Variants in KLB observed in about 807,000 individuals in gnomAD.
KLB encodes the protein klotho beta.
Under a neutral mutation model 88.4 loss-of-function variants are expected in KLB, and 44 were observed. That is an observed-to-expected ratio of 0.50 (90% CI 0.39 to 0.64). The LOEUF (loss-of-function observed/expected upper bound fraction) is 0.64. Among genes scored for constraint, KLB ranks in the 30% least tolerant of loss-of-function variants. KLB has a pLI of 0.00. For synonymous variants in KLB, 548 were observed against 513.4 expected, an observed-to-expected ratio of 1.07 and a Z score of -0.91; for missense variants, 1,137 against 1,304.8, an observed-to-expected ratio of 0.87 and a Z score of 1.98.
intron 2 of KLB, among the ~76,000 whole-genome samples, chr4:39,435,768 C>T (rs981972201): frequency 6.6e-6 from 1 of 152,186 alleles, no homozygotes; most frequent in African/African-American, 2.4e-5. Flanking sequence ...ATGTTATTCC[C>T]ATGTCCTTTT....
chr4:39,447,936 T>C (rs1743797277), intron 4 of KLB, among the ~76,000 whole-genome samples: 1 of 152,236 alleles, frequency 6.6e-6, no homozygotes, highest in Non-Finnish European at 1.5e-5. Flanking sequence ...ATTCCTGGGC[T>C]GCACCAAGAG....
At position 39,448,403 on chromosome 4, in the gene KLB, C is replaced by T; in HGVS notation, c.2852C>T (p.Ala951Val). 1 of 1,614,080 alleles carries T rather than the reference C, an allele frequency of 6.2e-7. No individual in the cohort carries two copies. The highest frequency in any genetic ancestry group is 8.5e-7 in the Non-Finnish European group (1 of 1,179,950). The change falls in exon 5 of 5, where the codon GCT becomes GTT. Residue 951 changes from alanine to valine, a missense_variant. Physicochemically the swap from Ala to Val is moderately conservative, Grantham distance 64 (BLOSUM62 0). Around this residue, in one of 4 missense-constraint regions of KLB, gnomAD observed 426 missense variants for 404.6 expected, o/e 1.05. Coordinates refer to ENST00000257408, the MANE Select transcript of KLB (RefSeq NM_175737.4). ...GGATTCTTCACATCTGATTTTAAAG[C>T]TAAATCCTCAATACAATTTTACAAC... The part of the protein sequence containing the change: ...RFGFFTSDFK[A>V]KSSIQFYNKV...
chr4:39,447,124 A>C lies in KLB; in HGVS notation c.2398A>C (p.Ser800Arg), dbSNP rs548305076. Reference protein sequence around the residue: ...IASKHRRGLSSSALPRLTEAE... With the variant: ...IASKHRRGLSRSALPRLTEAE... ...CTCCAAGCACCGACGGGGGCTTTCC[A>C]GCTCGGCCCTGCCGCGCCTCACCGA... is the stretch of plus-strand genomic sequence containing the variant. The change falls in exon 4 of 5, where the codon AGC (serine) becomes CGC (arginine). Residue 800 changes from serine to arginine, a missense_variant. By Grantham distance (110) the Ser-to-Arg change is moderately radical (BLOSUM62 -1). Around this residue, in one of 4 missense-constraint regions of KLB, gnomAD observed 426 missense variants for 404.6 expected, o/e 1.05. Transcript: ENST00000257408. The C allele has an allele frequency of 2.5e-6, 4 of 1,613,510 alleles. No homozygotes were observed. Among genetic ancestry groups the C allele is most frequent in the Admixed American group, 1.7e-5 (1 of 60,032 alleles).
Position 39,407,116 on chromosome 4 carries a change from A to G in KLB, c.167A>G (p.Asp56Gly). The G allele has an allele frequency of 6.2e-7, 1 of 1,614,170 alleles. No homozygotes were observed. Among genetic ancestry groups the G allele is most frequent in the African/African-American group, 1.3e-5 (1 of 75,038 alleles). Residue 56 changes from aspartate (D) to glycine (G), a missense_variant, in exon 1 of 5, where the codon GAT becomes GGT. By Grantham distance (94) the Asp-to-Gly change is moderately conservative (BLOSUM62 -1). This residue lies in a region of KLB where 111 missense variants were observed against 118.3 expected (regional missense o/e 0.94). Coordinates refer to ENST00000257408, the MANE Select transcript of KLB (RefSeq NM_175737.4). ...LLRAVTGFSG[D>G]GRAIWSKNPN... is the part of the protein sequence containing the mutation. ...CGAGCTGTTACTGGATTCTCTGGAG[A>G]TGGAAGAGCTATATGGTCTAAAAAT... is the stretch of plus-strand genomic sequence containing the variant.
At chr4:39,447,530 A>T in intron 4 of KLB, 55 bp downstream of exon 4, 2 of 1,409,796 alleles carry the variant, frequency 1.4e-6, no homozygotes. Context: ...GTTACCTGAC[A>T]AGAACAAAGA....
chr4:39,419,944 CAAAA>C (rs34834552), intron 1 of KLB, among the ~76,000 whole-genome samples: 1 of 81,768 alleles, frequency 1.2e-5, no homozygotes, highest in Non-Finnish European at 2.3e-5. Context: ...AACTTCATCT[CAAAA>C]AAAAAAAAAA....
At chr4:39,426,019 G>A (rs899571004) in intron 1 of KLB, among the ~76,000 whole-genome samples, 8 of 152,050 alleles carry the variant, frequency 5.3e-5, no homozygotes, top group East Asian at 1.9e-4. Context: ...TTGGGAGGCC[G>A]AGGCGGGCGG....
Position 39,448,506 on chromosome 4 carries a change from CACTG to C in KLB, c.2956_2959del (p.Thr986SerfsTer11). On this transcript the variant is annotated frameshift_variant, in exon 5 of 5. Transcript: ENST00000257408. LOFTEE classifies it high-confidence loss of function. ...GTCAGACCCAAGAAAATACAGAGTG[CACTG>C]TCTGCTTATTCCTTGTGCAGAAGAA... The C allele has an allele frequency of 3.1e-6, 5 of 1,614,150 alleles. No homozygotes were observed. Among genetic ancestry groups the C allele is most frequent in the Non-Finnish European group, 4.2e-6 (5 of 1,179,974 alleles).
intron 1 of KLB, among the ~76,000 whole-genome samples, chr4:39,414,744 C>T (rs1742930958): frequency 6.6e-6 from 1 of 151,102 alleles, no homozygotes; most frequent in Non-Finnish European, 1.5e-5. Flanking sequence ...TGGTGGGTGC[C>T]TGTAATCCCA....
intron 1 of KLB, among the ~76,000 whole-genome samples, chr4:39,426,641 A>C (rs1342811421): frequency 6.6e-6 from 1 of 152,050 alleles, no homozygotes; most frequent in Non-Finnish European, 1.5e-5. Flanking sequence ...ATAATTTTAT[A>C]ATTTTTTAGC....
chr4:39,429,954 G>A (rs754282516), intron 1 of KLB, among the ~76,000 whole-genome samples: 1 of 152,150 alleles, frequency 6.6e-6, no homozygotes, highest in Non-Finnish European at 1.5e-5. Context: ...TGATAGCCTA[G>A]GCAAATAGCA....
At chr4:39,431,701 G>T (rs750271618) in intron 1 of KLB, among the ~76,000 whole-genome samples, 1 of 152,206 alleles carries the variant, frequency 6.6e-6, no homozygotes, top group African/African-American at 2.4e-5. Flanking sequence ...TATTTAAATT[G>T]TTTTTTCTTG....
intron 1 of KLB, among the ~76,000 whole-genome samples, chr4:39,422,712 G>T (rs1171101421): frequency 6.6e-6 from 1 of 151,808 alleles, no homozygotes; most frequent in Non-Finnish European, 1.5e-5. Flanking sequence ...TTGATTGAAT[G>T]CCATGCTGTT....
intron 2 of KLB, among the ~76,000 whole-genome samples, chr4:39,436,859 G>A (rs548816751): frequency 3.9e-5 from 6 of 152,028 alleles, no homozygotes; most frequent in Non-Finnish European, 7.4e-5. Context: ...ACAGATGCCC[G>A]CCACCATCCC....
Position 39,447,146 on chromosome 4 carries a change from C to T in KLB, c.2420C>T (p.Thr807Ile). The change falls in exon 4 of 5, where the codon ACC (threonine) becomes ATC (isoleucine). Residue 807 changes from threonine to isoleucine, a missense_variant. Transcript: ENST00000257408. ...TCCAGCTCGGCCCTGCCGCGCCTCACCGAGGCCGAAAGGAGGCTGCTCAAG... is the reference window on the plus strand; with the variant it reads ...TCCAGCTCGGCCCTGCCGCGCCTCATCGAGGCCGAAAGGAGGCTGCTCAAG... ...GLSSSALPRL[T>I]EAERRLLKGT... The T allele has an allele frequency of 1.2e-6, 2 of 1,613,722 alleles. No individual in the cohort carries two copies. The highest frequency in any genetic ancestry group is 1.7e-6 in the Non-Finnish European group (2 of 1,180,026).
At chr4:39,425,501 C>T (rs1349704287) in intron 1 of KLB, among the ~76,000 whole-genome samples, 1 of 152,184 alleles carries the variant, frequency 6.6e-6, no homozygotes, top group African/African-American at 2.4e-5. Flanking sequence ...GTGAACACAG[C>T]TCAAACACAG....
At chr4:39,422,460 C>A (rs79314707) in intron 1 of KLB, among the ~76,000 whole-genome samples, 7 of 152,152 alleles carry the variant, frequency 4.6e-5, no homozygotes, top group African/African-American at 1.4e-4. Context: ...CTCTCCACCC[C>A]CTGGTTTCCT....
At chr4:39,419,813 G>A (rs905979315) in intron 1 of KLB, among the ~76,000 whole-genome samples, 1 of 150,142 alleles carries the variant, frequency 6.7e-6, no homozygotes, top group African/African-American at 2.5e-5. Context: ...GCGTAGTGGT[G>A]GGTGCCTATA....
At position 39,449,583 on chromosome 4, in the gene KLB, TATAGA is replaced by T. The variant is rs1375658297; in HGVS notation, c.*901_*905del. 1 of 152,174 alleles carries T rather than the reference TATAGA, an allele frequency of 6.6e-6. No homozygotes were observed. The highest frequency in any genetic ancestry group is 1.5e-5 in the Non-Finnish European group (1 of 68,018). 9.4% of individuals were successfully genotyped at this position (152,174 alleles called of 1,614,324 possible). ...ATTTTTCTAACAACAAAAAATCACCTATAGAATATCTAATTTGTGATCTTTTACTA... is the reference window on the plus strand; with the variant it reads ...ATTTTTCTAACAACAAAAAATCACCTATATCTAATTTGTGATCTTTTACTA... On this transcript the variant is annotated 3_prime_UTR_variant, in exon 5 of 5. Transcript: ENST00000257408.
Sources: gnomAD v4.1 joint callset for allele counts (sites outside exome capture counted in the v4.1 genomes callset) on GRCh38, gnomAD v4.1.1 for gene constraint, gnomAD v4.1.1 regional missense constraint, MANE v1.5 for transcripts, NCBI Gene and HGNC (gene_info 2026-07-23, HGNC 2026-07-21) for gene names.